The following ST6GALNAC3 variants were observed in gnomAD, a reference collection of about 807,000 sequenced individuals.
ST6GALNAC3 encodes the protein ST6 N-acetylgalactosaminide alpha-2,6-sialyltransferase 3.
ST6GALNAC3 carries 25 observed loss-of-function variants against 32.7 expected under a neutral mutation model. That is an observed-to-expected ratio of 0.76 (90% CI 0.56 to 1.07). The LOEUF (loss-of-function observed/expected upper bound fraction) is 1.07, where lower values mean the gene tolerates loss of function less well. Among genes scored for constraint, ST6GALNAC3 ranks in the 50% least tolerant of loss-of-function variants. ST6GALNAC3 has a pLI of 0.00. For missense variants in ST6GALNAC3, 355 were observed against 382.4 expected, an observed-to-expected ratio of 0.93 and a Z score of 0.60; for synonymous variants, 129 against 133.1, an observed-to-expected ratio of 0.97 and a Z score of 0.21.
At chr1:76,211,126 G>C (rs1415913449) in intron 1 of ST6GALNAC3, among the ~76,000 whole-genome samples, 1 of 152,148 alleles carries the variant, frequency 6.6e-6, no homozygotes, top group Non-Finnish European at 1.5e-5. Flanking sequence ...ATCTCCGAAG[G>C]ATATGAACAG....
At chr1:76,483,870 C>G (rs1232398184) in intron 3 of ST6GALNAC3, among the ~76,000 whole-genome samples, 3 of 152,122 alleles carry the variant, frequency 2.0e-5, no homozygotes, top group Admixed American at 2.0e-4. Context: ...ACATTTAAGT[C>G]TTCAATCCAT....
At chr1:76,396,948 C>T (rs986277768) in intron 2 of ST6GALNAC3, among the ~76,000 whole-genome samples, 13 of 152,116 alleles carry the variant, frequency 8.5e-5, no homozygotes, top group South Asian at 6.2e-4. Context: ...AATTACTATG[C>T]TTTACACAGT....
At chr1:76,450,155 G>A (rs758296967) in intron 3 of ST6GALNAC3, among the ~76,000 whole-genome samples, 17 of 152,076 alleles carry the variant, frequency 1.1e-4, no homozygotes, top group Admixed American at 7.2e-4. Context: ...TCTTCATACT[G>A]TTTTCTAGTG....
intron 3 of ST6GALNAC3, among the ~76,000 whole-genome samples, chr1:76,450,129 T>C (rs1434596175): frequency 6.6e-6 from 1 of 152,184 alleles, no homozygotes; most frequent in Non-Finnish European, 1.5e-5. Flanking sequence ...AGTTCTACTT[T>C]TAGTTCTTTA....
At chr1:76,075,185 G>A (rs980470132) in intron 1 of ST6GALNAC3, among the ~76,000 whole-genome samples, 13 of 152,186 alleles carry the variant, frequency 8.5e-5, no homozygotes, top group Admixed American at 4.6e-4. Flanking sequence ...GGAGAGGAGG[G>A]GTGTTCCCGC....
chr1:76,507,438 C>T (rs1661548772), intron 3 of ST6GALNAC3, among the ~76,000 whole-genome samples: 1 of 152,170 alleles, frequency 6.6e-6, no homozygotes, highest in Admixed American at 6.5e-5. Flanking sequence ...CAACACCTCT[C>T]AGGCCCCCCA....
At chr1:76,403,631 C>G (rs1245097454) in intron 2 of ST6GALNAC3, among the ~76,000 whole-genome samples, 1 of 152,070 alleles carries the variant, frequency 6.6e-6, no homozygotes, top group African/African-American at 2.4e-5. Flanking sequence ...TAAAAGTTCT[C>G]CTGGTCATTG....
At chr1:76,112,165 G>T (rs1166522383) in intron 1 of ST6GALNAC3, among the ~76,000 whole-genome samples, 3 of 142,900 alleles carry the variant, frequency 2.1e-5, no homozygotes, top group Non-Finnish European at 4.6e-5. Context: ...CGGGCAGAGG[G>T]GCTCCTCTCT....
intron 3 of ST6GALNAC3, among the ~76,000 whole-genome samples, chr1:76,456,416 G>A (rs188221522): frequency 6.8e-4 from 103 of 151,824 alleles, no homozygotes; most frequent in African/African-American, 1.7e-3. Context: ...GTGCAATCTC[G>A]GCTCATTGTG....
At chr1:76,309,420 A>T (rs1008896950) in intron 1 of ST6GALNAC3, among the ~76,000 whole-genome samples, 1 of 151,762 alleles carries the variant, frequency 6.6e-6, no homozygotes, top group East Asian at 1.9e-4. Context: ...TCACTTCCCC[A>T]CCTCCCACAT....
intron 2 of ST6GALNAC3, among the ~76,000 whole-genome samples, chr1:76,319,043 A>T (rs1646919660): frequency 6.6e-6 from 1 of 152,094 alleles, no homozygotes; most frequent in South Asian, 2.1e-4. Context: ...CCTGCAGTTT[A>T]TTTGCATTTA....
intron 1 of ST6GALNAC3, among the ~76,000 whole-genome samples, chr1:76,274,941 ACT>A (rs1659051463): frequency 6.6e-6 from 1 of 152,142 alleles, no homozygotes; most frequent in Non-Finnish European, 1.5e-5. Context: ...GAAAAATGTC[ACT>A]CTCTGAGACT....
chr1:76,409,112 T>A (rs1316092538), intron 2 of ST6GALNAC3, among the ~76,000 whole-genome samples: 1 of 152,166 alleles, frequency 6.6e-6, no homozygotes, highest in Non-Finnish European at 1.5e-5. Context: ...GGCACTTCCT[T>A]GTGCCTCCAT....
chr1:76,493,144 A>G (rs1013998595), intron 3 of ST6GALNAC3, among the ~76,000 whole-genome samples: 2 of 152,152 alleles, frequency 1.3e-5, no homozygotes, highest in African/African-American at 2.4e-5. Flanking sequence ...TCATTTAGCA[A>G]CCATTCAAAA....
At chr1:76,519,128 G>A (rs1400982226) in intron 3 of ST6GALNAC3, among the ~76,000 whole-genome samples, 9 of 152,052 alleles carry the variant, frequency 5.9e-5, no homozygotes, top group South Asian at 2.1e-4. Flanking sequence ...ATTGTTGACC[G>A]TCTTTCCTTG....
intron 2 of ST6GALNAC3, among the ~76,000 whole-genome samples, chr1:76,347,498 T>TTATA (rs138842084): frequency 2.6e-5 from 4 of 151,080 alleles, no homozygotes; most frequent in Admixed American, 1.3e-4. Flanking sequence ...GAGAATAAGT[T>TTATA]TATATATATA....
rs55786044 is a variant in ST6GALNAC3 at position 76,357,130 on chromosome 1, CT to C, written c.213+43146del. On this transcript the variant is annotated intron_variant, in intron 2 of 4. Coordinates refer to ENST00000328299, the MANE Select transcript of ST6GALNAC3 (RefSeq NM_152996.4). ...TAGTTTTCTTTTTTCTTTTCTTTTT[CT>C]TTTTTTTTTTTTTTCATTTTTGAGA... Among the ~76,000 whole-genome samples the C allele has an allele frequency of 4.8e-3, 531 of 111,190 alleles. 6 individuals carry two copies. The highest frequency in any genetic ancestry group is 0.044 in the Middle Eastern group (7 of 160). The allele number at this position is 111,190 out of a possible 152,430, so 72.9% of individuals were successfully genotyped here.
At chr1:76,096,988 G>T (rs1045763690) in intron 1 of ST6GALNAC3, among the ~76,000 whole-genome samples, 1 of 148,674 alleles carries the variant, frequency 6.7e-6, no homozygotes, top group Non-Finnish European at 1.5e-5. Context: ...GCGTGATCTC[G>T]GCTCACTGCA....
Position 76,460,238 on chromosome 1 carries a change from T to C in ST6GALNAC3, c.623+47821T>C, listed in dbSNP as rs569682748. Among the ~76,000 whole-genome samples, 7 of 152,308 alleles carry C rather than the reference T, an allele frequency of 4.6e-5. No individual in the cohort carries two copies. In the East Asian group the frequency reaches 1.4e-3, roughly 29 times the overall value. On this transcript the variant is annotated intron_variant, in intron 3 of 4. Coordinates refer to ENST00000328299, the MANE Select transcript of ST6GALNAC3 (RefSeq NM_152996.4). Reference sequence around the variant, plus strand: ...TTCATTTTCCTAATGACTAATGACATTGAGCATTTTTTCAAGCGCTTGTTG... The same window carrying C: ...TTCATTTTCCTAATGACTAATGACACTGAGCATTTTTTCAAGCGCTTGTTG...
Sources: allele counts gnomAD v4.1 joint callset (sites outside exome capture counted in the v4.1 genomes callset), GRCh38; gene constraint gnomAD v4.1.1; transcripts MANE v1.5; gene names NCBI Gene and HGNC (gene_info 2026-07-23, HGNC 2026-07-21).